The following SORCS3 variants were observed in gnomAD, a reference collection of about 807,000 sequenced individuals.
SORCS3 encodes the protein sortilin related VPS10 domain containing receptor 3, also known as VPS10 domain-containing receptor SorCS3.
A neutral mutation model predicts 146.3 loss-of-function variants in SORCS3; 57 were observed. That is an observed-to-expected ratio of 0.39 (90% CI 0.31 to 0.49). The LOEUF (loss-of-function observed/expected upper bound fraction) is 0.49, where lower values mean the gene tolerates loss of function less well. Among genes scored for constraint, SORCS3 ranks in the 20% least tolerant of loss-of-function variants. The pLI is 0.92. For synonymous variants in SORCS3, 653 were observed against 618.5 expected (o/e 1.06, Z -0.83); for missense variants, 1,341 against 1,575.5 (o/e 0.85, Z 2.52).
chr10:104,696,353 T>TA, intron 1 of SORCS3, among the ~76,000 whole-genome samples: 12 of 264 alleles, frequency 0.045, 4 homozygotes, highest in Non-Finnish European at 0.067. Context: ...ATATATATCA[T>TA]ATATATATCA....
intron 14 of SORCS3, among the ~76,000 whole-genome samples, chr10:105,196,579 T>G (rs1334831245): frequency 6.6e-6 from 1 of 152,226 alleles, no homozygotes; most frequent in Non-Finnish European, 1.5e-5. Flanking sequence ...CACTCCAGCA[T>G]GGGCAACAAG....
At chr10:104,686,787 C>T (rs760924098) in intron 1 of SORCS3, among the ~76,000 whole-genome samples, 7 of 152,068 alleles carry the variant, frequency 4.6e-5, no homozygotes, top group South Asian at 2.1e-4. Context: ...CTCTTAGAAC[C>T]ACAAACCCAC....
intron 3 of SORCS3, among the ~76,000 whole-genome samples, chr10:104,935,513 C>T (rs1367683822): frequency 1.3e-5 from 2 of 152,112 alleles, no homozygotes; most frequent in Non-Finnish European, 2.9e-5. Context: ...CATCAAGAAC[C>T]ATGGGTCTAG....
chr10:104,834,951 C>T (rs1389045753), intron 1 of SORCS3, among the ~76,000 whole-genome samples: 1 of 151,520 alleles, frequency 6.6e-6, no homozygotes, highest in Non-Finnish European at 1.5e-5. Context: ...GTTGGTAATG[C>T]TCCCTTAAAA....
At chr10:104,896,520 G>C (rs1326525971) in intron 2 of SORCS3, among the ~76,000 whole-genome samples, 1 of 152,234 alleles carries the variant, frequency 6.6e-6, no homozygotes, top group Non-Finnish European at 1.5e-5. Flanking sequence ...AAAGCGGAGT[G>C]TTGGTGCTGC....
chr10:104,759,967 C>T (rs954952851), intron 1 of SORCS3, among the ~76,000 whole-genome samples: 2 of 152,028 alleles, frequency 1.3e-5, no homozygotes, highest in South Asian at 2.1e-4. Context: ...AGTAATGTAC[C>T]GAGGGGAAGC....
chr10:104,919,579 C>T (rs1430053815), intron 3 of SORCS3, among the ~76,000 whole-genome samples: 2 of 152,012 alleles, frequency 1.3e-5, no homozygotes, highest in Non-Finnish European at 2.9e-5. Context: ...ATCCCAGCTA[C>T]TCAGGAGGCT....
intron 4 of SORCS3, among the ~76,000 whole-genome samples, chr10:104,987,166 A>AAAGGAAGGAATGAAGGACGGAACGAAAG: frequency 6.6e-6 from 1 of 152,242 alleles, no homozygotes; most frequent in East Asian, 1.9e-4. Context: ...TAAGGTAAAG[A>AAAGGAAGGAATGAAGGACGGAACGAAAG]AAGGAAGGAA....
At chr10:104,830,685 G>C (rs2017990527) in intron 1 of SORCS3, among the ~76,000 whole-genome samples, 1 of 152,202 alleles carries the variant, frequency 6.6e-6, no homozygotes. Context: ...CTGGTTACCT[G>C]CCATACATAG....
At chr10:105,119,657 A>G (rs2055917598) in intron 7 of SORCS3, among the ~76,000 whole-genome samples, 1 of 152,202 alleles carries the variant, frequency 6.6e-6, no homozygotes, top group South Asian at 2.1e-4. Flanking sequence ...TGAGACATGG[A>G]GTCAAAGGAG....
chr10:104,856,807 T>C (rs1240056825), intron 2 of SORCS3, among the ~76,000 whole-genome samples: 2 of 144,660 alleles, frequency 1.4e-5, no homozygotes, highest in Non-Finnish European at 3.0e-5. Context: ...AAATATATAT[T>C]AATTATATAA....
intron 3 of SORCS3, among the ~76,000 whole-genome samples, chr10:104,939,072 C>T (rs2019286916): frequency 6.6e-6 from 1 of 152,228 alleles, no homozygotes; most frequent in African/African-American, 2.4e-5. Context: ...TCTCCTGTCA[C>T]TGCTATAGGA....
Position 104,962,321 on chromosome 10 carries a change from C to T in SORCS3, c.796-15014C>T, listed in dbSNP as rs11192254. ...AGTGGTTATGTTGAAGAGGTCAAGCCTGAAAACAGCATGGGAGCCCACTAA... is the reference window on the plus strand; with the variant it reads ...AGTGGTTATGTTGAAGAGGTCAAGCTTGAAAACAGCATGGGAGCCCACTAA... On this transcript the variant is annotated intron_variant, in intron 3 of 26. Transcript: ENST00000369701. Among the ~76,000 whole-genome samples the T allele has an allele frequency of 2.0e-5, 3 of 152,236 alleles. No homozygotes were observed. In the East Asian group the frequency reaches 5.8e-4, roughly 29 times the overall value.
intron 23 of SORCS3, among the ~76,000 whole-genome samples, chr10:105,255,066 TAGTCCC>T (rs2056922662): frequency 6.6e-6 from 1 of 151,140 alleles, no homozygotes; most frequent in Admixed American, 6.6e-5. Flanking sequence ...CGTGCGCTTG[TAGTCCC>T]AGCTACTCAG....
At chr10:104,751,935 A>ATGCTTATATATTATAT (rs1369546576) in intron 1 of SORCS3, among the ~76,000 whole-genome samples, 1 of 76,798 alleles carries the variant, frequency 1.3e-5, no homozygotes, top group East Asian at 3.7e-4. Context: ...ATATATATAT[A>ATGCTTATATATTATAT]TATATATATA....
At chr10:104,986,999 C>T (rs2054965762) in intron 4 of SORCS3, among the ~76,000 whole-genome samples, 1 of 152,030 alleles carries the variant, frequency 6.6e-6, no homozygotes, top group Admixed American at 6.6e-5. Context: ...GATGTAGTTG[C>T]CACAAACTTT....
intron 2 of SORCS3, among the ~76,000 whole-genome samples, chr10:104,911,724 A>G (rs1316651736): frequency 3.3e-5 from 5 of 152,200 alleles, no homozygotes; most frequent in African/African-American, 9.7e-5. Context: ...CTTGACAAAG[A>G]TGCTTTCCTT....
At chr10:105,065,142 C>T (rs2055514845) in intron 5 of SORCS3, among the ~76,000 whole-genome samples, 1 of 151,976 alleles carries the variant, frequency 6.6e-6, no homozygotes, top group African/African-American at 2.4e-5. Context: ...CATCAGTAGC[C>T]CTGGTTAGTA....
intron 1 of SORCS3, among the ~76,000 whole-genome samples, chr10:104,840,256 C>A (rs367980145): frequency 2.9e-4 from 44 of 152,296 alleles, no homozygotes; most frequent in African/African-American, 1.0e-3. Flanking sequence ...GGTTTATCTG[C>A]AGAACGCCTG....
Sources: allele counts gnomAD v4.1 joint callset (sites outside exome capture counted in the v4.1 genomes callset), GRCh38; gene constraint gnomAD v4.1.1; transcripts MANE v1.5; gene names NCBI Gene and HGNC (gene_info 2026-07-23, HGNC 2026-07-21).